Variants in RIC8B observed in about 807,000 individuals in gnomAD.
RIC8B encodes the protein RIC8 guanine nucleotide exchange factor B, also known as chaperone Ric-8B.
Under a neutral mutation model 57.5 loss-of-function variants are expected in RIC8B, and 16 were observed. That is an observed-to-expected ratio of 0.28 (90% CI 0.19 to 0.42). RIC8B has a LOEUF of 0.42. Ranked by LOEUF, RIC8B falls within the 10% of genes least tolerant of loss-of-function variation. RIC8B has a pLI of 1.00. For synonymous variants in RIC8B, 216 were observed against 250.8 expected (o/e 0.86, Z 1.31); for missense variants, 481 against 677.0 (o/e 0.71, Z 3.21).
chr12:106,862,261 C>T (rs1949974194), intron 8 of RIC8B, among the ~76,000 whole-genome samples: 1 of 152,052 alleles, frequency 6.6e-6, no homozygotes, highest in Non-Finnish European at 1.5e-5. Context: ...TTAAACACTG[C>T]TCATTATAAG....
intron 9 of RIC8B, 90 bp from the exon 10 acceptor site, chr12:106,885,814 T>C: frequency 2.7e-6 from 2 of 730,258 alleles, no homozygotes; most frequent in Non-Finnish European, 4.2e-6. Context: ...CTTTTCTTTT[T>C]AAAAGGTTGT....
At chr12:106,873,967 GGTT>G (rs1950557507) in intron 9 of RIC8B, among the ~76,000 whole-genome samples, 1 of 152,136 alleles carries the variant, frequency 6.6e-6, no homozygotes, top group Non-Finnish European at 1.5e-5. Flanking sequence ...AAAGAGCTCA[GGTT>G]GTTTTATCAT....
chr12:106,838,276 C>T (rs12305988), intron 4 of RIC8B, among the ~76,000 whole-genome samples: 18,508 of 152,036 alleles, frequency 0.12, 1,270 homozygotes, highest in Middle Eastern at 0.16. Context: ...CTGGATTTCA[C>T]TAAAAGAATG....
intron 4 of RIC8B, among the ~76,000 whole-genome samples, chr12:106,834,052 T>A (rs962158567): frequency 2.0e-5 from 3 of 152,224 alleles, no homozygotes; most frequent in Non-Finnish European, 2.9e-5. Context: ...GTGCTATGCT[T>A]GTACATCCTG....
At chr12:106,825,684 C>T in intron 3 of RIC8B, 42 bp from the exon 4 acceptor site, 1 of 1,454,076 alleles carries the variant, frequency 6.9e-7, no homozygotes, top group Non-Finnish European at 9.7e-7. Context: ...ACTGTTCAGG[C>T]ATTCAACCCC....
chr12:106,887,092 G>A lies in RIC8B; in HGVS notation c.*1077G>A, dbSNP rs146763708. On this transcript the variant is annotated 3_prime_UTR_variant, in exon 10 of 10. Transcript: ENST00000392837. ...CTTTTAGAATTGGTCCTATGAAGAA[G>A]TAGAAAGTGAGTCATGCACTAGACA... is the stretch of plus-strand genomic sequence containing the variant. 2.2e-4 allele frequency: 34 copies of A among 152,666 alleles called. No homozygotes were observed. Among genetic ancestry groups the A allele is most frequent in the African/African-American group, 7.7e-4 (32 of 41,534 alleles). The allele number at this position is 152,666 out of a possible 1,614,324, so 9.5% of individuals were successfully genotyped here.
chr12:106,810,828 C>T (rs942146930), intron 2 of RIC8B, among the ~76,000 whole-genome samples: 2 of 152,194 alleles, frequency 1.3e-5, no homozygotes, highest in Non-Finnish European at 2.9e-5. Flanking sequence ...CTGTACTGAA[C>T]ATTTATCACT....
In RIC8B at chr12:106,867,940, T is replaced by TA. The variant is rs1950209284; in HGVS notation, c.1452-2882dup. Among the ~76,000 whole-genome samples the TA allele has an allele frequency of 6.6e-6, 1 of 152,224 alleles. No homozygotes were observed. The highest frequency in any genetic ancestry group is 1.5e-5 in the Non-Finnish European group (1 of 68,030). On this transcript the variant is annotated intron_variant, in intron 8 of 9. Transcript: ENST00000392837. This position sits in a 1 kb window ranked among gnomAD's most constrained non-coding sequence, Gnocchi z 4.3. ...TACTCTATGGCAAAAAATGAGTTCT[T>TA]ACTCTGTAAGAATGAATTTCTGCCT...
chr12:106,841,810 A>G (rs929485623), intron 4 of RIC8B, among the ~76,000 whole-genome samples: 6 of 152,174 alleles, frequency 3.9e-5, no homozygotes, highest in Admixed American at 6.5e-5. Flanking sequence ...GAACATATCT[A>G]ATTTTGAAAT....
rs867206674 is a variant in RIC8B at position 106,810,997 on chromosome 12, T to C, written c.133-3699T>C. Among the ~76,000 whole-genome samples, 5 of 152,354 alleles carry C rather than the reference T, an allele frequency of 3.3e-5. No homozygotes were observed. The Middle Eastern group carries it at 0.017, about 518-fold the overall frequency. On this transcript the variant is annotated intron_variant, in intron 2 of 9. Coordinates refer to ENST00000392837, the MANE Select transcript of RIC8B (RefSeq NM_001330145.2). ...TTAAATTCAGAACTTCTACTCTTAATTACCACACTGATTTGGTTTTAGAGT... is the reference window on the plus strand; with the variant it reads ...TTAAATTCAGAACTTCTACTCTTAACTACCACACTGATTTGGTTTTAGAGT...
At chr12:106,801,850 T>C (rs764081494) in intron 2 of RIC8B, among the ~76,000 whole-genome samples, 1 of 152,248 alleles carries the variant, frequency 6.6e-6, no homozygotes, top group Non-Finnish European at 1.5e-5. Context: ...ACTACAGTTA[T>C]AGTAAGCTTA....
intron 3 of RIC8B, 38 bp from the exon 4 acceptor site, chr12:106,825,688 C>A (rs1165844514): frequency 1.3e-6 from 2 of 1,518,026 alleles, no homozygotes; most frequent in Non-Finnish European, 9.1e-7. Flanking sequence ...TTCAGGCATT[C>A]AACCCCCAAT....
intron 4 of RIC8B, among the ~76,000 whole-genome samples, chr12:106,840,982 T>G (rs1455181741): frequency 6.6e-6 from 1 of 152,194 alleles, no homozygotes; most frequent in Non-Finnish European, 1.5e-5. Context: ...TTATTCTCAA[T>G]GAATCTATGG....
At chr12:106,799,642 A>G (rs749447087) in intron 2 of RIC8B, among the ~76,000 whole-genome samples, 2 of 152,226 alleles carry the variant, frequency 1.3e-5, no homozygotes, top group African/African-American at 2.4e-5. Flanking sequence ...ATACATTTCT[A>G]TCTTACAAAT....
chr12:106,792,178 T>C (rs1261838613), intron 2 of RIC8B, among the ~76,000 whole-genome samples: 1 of 152,244 alleles, frequency 6.6e-6, no homozygotes, highest in Non-Finnish European at 1.5e-5. Context: ...AGCTGGAATC[T>C]GACACAAGAC....
intron 9 of RIC8B, among the ~76,000 whole-genome samples, chr12:106,878,465 T>G (rs1388854024): frequency 1.3e-5 from 2 of 152,204 alleles, no homozygotes; most frequent in Non-Finnish European, 2.9e-5. Context: ...CAGAGCTTCC[T>G]TCTCAGGGCT....
At chr12:106,804,198 T>G (rs946636826) in intron 2 of RIC8B, among the ~76,000 whole-genome samples, 91 of 150,258 alleles carry the variant, frequency 6.1e-4, no homozygotes, top group African/African-American at 2.2e-3. Context: ...AAGTAGGTAC[T>G]TTTTTTTCCT....
intron 6 of RIC8B, among the ~76,000 whole-genome samples, chr12:106,849,286 AGTTT>A: frequency 7.2e-6 from 1 of 138,652 alleles, no homozygotes; most frequent in African/African-American, 2.8e-5. Context: ...CTTTTTAAAT[AGTTT>A]ATTTATTTAT....
chr12:106,805,364 G>A (rs11113118), intron 2 of RIC8B, among the ~76,000 whole-genome samples: 37,881 of 151,894 alleles, frequency 0.25, 4,765 homozygotes, highest in East Asian at 0.33. Context: ...TCTGCTGGGC[G>A]CCATGGCTCA....
Sources: allele counts gnomAD v4.1 joint callset (sites outside exome capture counted in the v4.1 genomes callset), GRCh38; gene constraint gnomAD v4.1.1; non-coding constraint Gnocchi (gnomAD v3.1); transcripts MANE v1.5; gene names NCBI Gene and HGNC (gene_info 2026-07-23, HGNC 2026-07-21).